KAZN: variants seen among roughly 807,000 people sequenced by gnomAD.
KAZN encodes the protein kazrin, periplakin interacting protein.
KAZN carries 40 observed loss-of-function variants against 87.4 expected under a neutral mutation model. That is an observed-to-expected ratio of 0.46 (90% CI 0.36 to 0.60). KAZN has a LOEUF of 0.60. Ranked by LOEUF, KAZN falls within the 20% of genes least tolerant of loss-of-function variation. The pLI is 0.00. For synonymous variants in KAZN, 466 were observed against 458.3 expected, an observed-to-expected ratio of 1.02 and a Z score of -0.22; for missense variants, 898 against 1,073.9, an observed-to-expected ratio of 0.84 and a Z score of 2.29.
At chr1:14,470,842 T>C (rs868187087) in intron 2 of KAZN, among the ~76,000 whole-genome samples, 2 of 152,176 alleles carry the variant, frequency 1.3e-5, no homozygotes, top group African/African-American at 4.8e-5. Context: ...CCCTTCCACA[T>C]TGAATAGAGT....
chr1:15,110,465 TTGTA>T (rs1245484210), intron 13 of KAZN, among the ~76,000 whole-genome samples: 1 of 142,716 alleles, frequency 7.0e-6, no homozygotes, highest in Non-Finnish European at 1.6e-5. Flanking sequence ...TTGTGTGTGT[TTGTA>T]TGTTTGTGTA....
chr1:15,090,934 A>G (rs973769451), intron 8 of KAZN, among the ~76,000 whole-genome samples: 3 of 152,218 alleles, frequency 2.0e-5, no homozygotes, highest in African/African-American at 7.2e-5. Flanking sequence ...AGGTGGATAC[A>G]GTCCTTTTCA....
Position 14,056,107 on chromosome 1 carries a change from A to G in KAZN, c.92-124328A>G, listed in dbSNP as rs1470669969. Among the ~76,000 whole-genome samples, 7 of 152,284 alleles carry G rather than the reference A, an allele frequency of 4.6e-5. 1 individual carries two copies. In the South Asian group the frequency reaches 1.5e-3, roughly 32 times the overall value. ...CCAAAGCCTTTTCACCTAGGAGGCA[A>G]CTCAGCTTCATGGAGCCTCAGCTTT... On this transcript the variant is annotated intron_variant, in intron 1 of 16. Coordinates refer to the KAZN transcript ENST00000636203.
intron 3 of KAZN, among the ~76,000 whole-genome samples, chr1:15,036,461 G>A (rs1169854160): frequency 3.3e-5 from 5 of 150,324 alleles, no homozygotes. Flanking sequence ...TAGATGAACT[G>A]AGCCTCCCCA....
At chr1:14,828,587 C>T (rs913025018) in intron 1 of KAZN, among the ~76,000 whole-genome samples, 12 of 152,224 alleles carry the variant, frequency 7.9e-5, no homozygotes, top group East Asian at 3.9e-4. Context: ...TTTTAAGTTG[C>T]GGTAGCAGTC....
At chr1:13,919,893 A>T (rs1041715256) in intron 1 of KAZN, among the ~76,000 whole-genome samples, 1 of 152,110 alleles carries the variant, frequency 6.6e-6, no homozygotes, top group African/African-American at 2.4e-5. Flanking sequence ...AACCTTTTAT[A>T]TTTGGATCTA....
chr1:14,104,565 A>G (rs1200650739), intron 1 of KAZN, among the ~76,000 whole-genome samples: 1 of 152,226 alleles, frequency 6.6e-6, no homozygotes, highest in Non-Finnish European at 1.5e-5. Flanking sequence ...CGCAAATAAC[A>G]TACCCAAGAC....
intron 1 of KAZN, among the ~76,000 whole-genome samples, chr1:14,067,132 C>T (rs767609772): frequency 3.3e-5 from 5 of 152,120 alleles, no homozygotes; most frequent in Non-Finnish European, 5.9e-5. Context: ...CCTCTCTCCT[C>T]CTCCCCGCCC....
chr1:14,413,548 C>T (rs1664479384), intron 2 of KAZN, among the ~76,000 whole-genome samples: 1 of 139,142 alleles, frequency 7.2e-6, no homozygotes, highest in South Asian at 2.3e-4. Flanking sequence ...GAGATCGCGC[C>T]ACTGCACTCC....
intron 2 of KAZN, among the ~76,000 whole-genome samples, chr1:14,557,629 G>GGT (rs59563758): frequency 0.2 from 27,602 of 137,842 alleles, 3,044 homozygotes; most frequent in East Asian, 0.4. Flanking sequence ...GGTGTGTGTG[G>GGT]GTGTGTGTGT....
intron 1 of KAZN, among the ~76,000 whole-genome samples, chr1:14,031,107 T>C (rs1485119908): frequency 6.6e-6 from 1 of 152,198 alleles, no homozygotes; most frequent in Non-Finnish European, 1.5e-5. Context: ...ACCACCAACC[T>C]GTAGTACTAA....
intron 1 of KAZN, among the ~76,000 whole-genome samples, chr1:13,920,986 A>C (rs1640045466): frequency 6.6e-6 from 1 of 152,080 alleles, no homozygotes; most frequent in Admixed American, 6.6e-5. Context: ...GCATCTGGAA[A>C]GGCAATAAGC....
At chr1:14,316,060 A>G (rs1655638155) in intron 2 of KAZN, among the ~76,000 whole-genome samples, 1 of 152,028 alleles carries the variant, frequency 6.6e-6, no homozygotes, top group Non-Finnish European at 1.5e-5. Flanking sequence ...ACCAAACTTT[A>G]TATTACCAGT....
At chr1:14,239,521 C>T (rs537666882) in intron 2 of KAZN, among the ~76,000 whole-genome samples, 35 of 132,030 alleles carry the variant, frequency 2.7e-4, no homozygotes, top group Non-Finnish European at 4.0e-4. Context: ...AGTGCAATGG[C>T]GCAATCTCGG....
chr1:14,287,037 ATATTTT>A (rs1415859167), intron 2 of KAZN, among the ~76,000 whole-genome samples: 1 of 152,196 alleles, frequency 6.6e-6, no homozygotes, highest in East Asian at 1.9e-4. Context: ...GTATATGCTA[ATATTTT>A]TATTAGTGCT....
intron 1 of KAZN, among the ~76,000 whole-genome samples, chr1:13,903,977 C>T (rs192532830): frequency 3.3e-5 from 5 of 152,090 alleles, no homozygotes; most frequent in East Asian, 1.9e-4. Flanking sequence ...GGAAGGGATG[C>T]GAGCTCTAGA....
intron 4 of KAZN, among the ~76,000 whole-genome samples, chr1:15,049,668 T>C (rs1196636720): frequency 6.6e-6 from 1 of 151,328 alleles, no homozygotes; most frequent in Admixed American, 6.6e-5. Flanking sequence ...TGTTATTTTC[T>C]GTCTGTGTGA....
At chr1:14,195,511 T>TCGCACACA (rs71570187) in intron 2 of KAZN, among the ~76,000 whole-genome samples, 1 of 146,090 alleles carries the variant, frequency 6.8e-6, no homozygotes. Flanking sequence ...CAAAAACGGC[T>TCGCACACA]CACACACACA....
At chr1:14,308,464 G>T (rs972557862) in intron 2 of KAZN, among the ~76,000 whole-genome samples, 1 of 152,138 alleles carries the variant, frequency 6.6e-6, no homozygotes, top group Non-Finnish European at 1.5e-5. Flanking sequence ...AAAAACAGGT[G>T]GATCTGGGTA....
Sources: gnomAD v4.1 joint callset for allele counts (sites outside exome capture counted in the v4.1 genomes callset) on GRCh38, gnomAD v4.1.1 for gene constraint, MANE v1.5 for transcripts, NCBI Gene and HGNC (gene_info 2026-07-23, HGNC 2026-07-21) for gene names.